The following TAOK3 variants were observed in gnomAD, a reference collection of about 807,000 sequenced individuals.
TAOK3 encodes serine/threonine-protein kinase TAO3.
TAOK3 carries 40 observed loss-of-function variants against 120.4 expected under a neutral mutation model. The ratio of observed to expected loss-of-function variants is 0.33; its 90% CI spans 0.26 to 0.43. TAOK3 has a LOEUF of 0.43. Ranked by LOEUF, TAOK3 falls within the 20% of genes least tolerant of loss-of-function variation. TAOK3 has a pLI of 1.00. For missense variants in TAOK3, 821 were observed against 1,112.1 expected (o/e 0.74, Z 3.72); for synonymous variants, 355 against 387.5 (o/e 0.92, Z 0.99).
intron 1 of TAOK3, among the ~76,000 whole-genome samples, chr12:118,270,568 A>G (rs986961255): frequency 6.6e-6 from 1 of 151,714 alleles, no homozygotes; most frequent in East Asian, 1.9e-4. Flanking sequence ...ACATTTGTAT[A>G]TATACTTTGT....
chr12:118,175,882 T>G, intron 16 of TAOK3, among the ~76,000 whole-genome samples: 1 of 152,190 alleles, frequency 6.6e-6, no homozygotes, highest in East Asian at 1.9e-4. Flanking sequence ...AGTCCACTAG[T>G]GGTCTTCAAC....
At chr12:118,177,977 C>T (rs1487211343) in intron 15 of TAOK3, among the ~76,000 whole-genome samples, 1 of 152,046 alleles carries the variant, frequency 6.6e-6, no homozygotes, top group Non-Finnish European at 1.5e-5. Flanking sequence ...GATGAGGTCT[C>T]GCTCTGTCGC....
At chr12:118,209,022 T>C (rs985857248) in intron 11 of TAOK3, among the ~76,000 whole-genome samples, 4 of 152,180 alleles carry the variant, frequency 2.6e-5, no homozygotes, top group African/African-American at 9.7e-5. Flanking sequence ...AATTTATTCT[T>C]TAGATATTCT....
intron 1 of TAOK3, among the ~76,000 whole-genome samples, chr12:118,343,370 T>TTACA (rs1376187040): frequency 1.4e-5 from 2 of 147,830 alleles, no homozygotes; most frequent in Admixed American, 7.0e-5. Context: ...GAGGTTACAG[T>TTACA]GAGCTCAGAT....
intron 14 of TAOK3, among the ~76,000 whole-genome samples, chr12:118,182,623 A>ATATATATATATATATT (rs371125415): frequency 3.2e-5 from 3 of 92,386 alleles, no homozygotes; most frequent in East Asian, 3.6e-4. Flanking sequence ...ATATATATAT[A>ATATATATATATATATT]TTTTTTTTTT....
At chr12:118,207,992 T>A (rs1476573501) in intron 11 of TAOK3, among the ~76,000 whole-genome samples, 2 of 152,014 alleles carry the variant, frequency 1.3e-5, no homozygotes, top group East Asian at 3.9e-4. Context: ...AAAAAAAAAA[T>A]TATTAAAGGC....
chr12:118,168,197 T>C (rs768172552), intron 17 of TAOK3, among the ~76,000 whole-genome samples: 20 of 152,214 alleles, frequency 1.3e-4, no homozygotes, highest in Non-Finnish European at 2.6e-4. Context: ...GGGCTGATGC[T>C]GGTCAAATGG....
At chr12:118,229,074 A>G (rs2039639825) in intron 9 of TAOK3, among the ~76,000 whole-genome samples, 1 of 148,862 alleles carries the variant, frequency 6.7e-6, no homozygotes, top group Non-Finnish European at 1.5e-5. Context: ...CCATTTCTCT[A>G]CTGGTTGTTT....
intron 1 of TAOK3, among the ~76,000 whole-genome samples, chr12:118,323,448 C>T (rs1009936217): frequency 6.6e-6 from 1 of 152,056 alleles, no homozygotes; most frequent in Non-Finnish European, 1.5e-5. Flanking sequence ...AAAAATAAAA[C>T]CATTAAGCCA....
chr12:118,239,321 A>G, intron 5 of TAOK3, 49 bp from the exon 6 acceptor site: 2 of 1,076,666 alleles, frequency 1.9e-6, no homozygotes, highest in Non-Finnish European at 2.8e-6. Flanking sequence ...TAATTTAAAA[A>G]CTGCTGAAAC....
chr12:118,179,643 GTTT>G (rs566111629), intron 15 of TAOK3, among the ~76,000 whole-genome samples: 1 of 123,634 alleles, frequency 8.1e-6, no homozygotes, highest in African/African-American at 3.0e-5. Flanking sequence ...TTACCCTTCT[GTTT>G]TTTTTTTTTT....
At chr12:118,326,165 T>TGATCTCGGCTCACTGCAACGTCTGCCTC (rs2043927049) in intron 1 of TAOK3, among the ~76,000 whole-genome samples, 1 of 152,224 alleles carries the variant, frequency 6.6e-6, no homozygotes, top group Non-Finnish European at 1.5e-5. Flanking sequence ...AAATCTTTAA[T>TGATCTCGGCTCACTGCAACGTCTGCCTC]CCATCTTGAT....
intron 13 of TAOK3, among the ~76,000 whole-genome samples, chr12:118,195,646 GTTA>G (rs904660971): frequency 6.6e-6 from 1 of 152,184 alleles, no homozygotes; most frequent in Non-Finnish European, 1.5e-5. Flanking sequence ...TGATGTTCTT[GTTA>G]TTGAAAAAAG....
At chr12:118,212,505 G>T (rs2038682859) in intron 11 of TAOK3, among the ~76,000 whole-genome samples, 2 of 152,166 alleles carry the variant, frequency 1.3e-5, no homozygotes, top group African/African-American at 4.8e-5. Context: ...CACTGCCTGA[G>T]GATTTGGCAA....
At chr12:118,245,855 C>T (rs1180262828) in intron 3 of TAOK3, among the ~76,000 whole-genome samples, 2 of 152,098 alleles carry the variant, frequency 1.3e-5, no homozygotes, top group African/African-American at 4.8e-5. Context: ...TGTAAACTGT[C>T]CATCAATGGA....
chr12:118,343,621 CATT>C (rs777780292), intron 1 of TAOK3, among the ~76,000 whole-genome samples: 3 of 152,024 alleles, frequency 2.0e-5, no homozygotes, highest in African/African-American at 4.8e-5. Flanking sequence ...CAAATTAAAT[CATT>C]AATACATTTA....
At chr12:118,344,851 C>T (rs1489434410) in intron 1 of TAOK3, among the ~76,000 whole-genome samples, 2 of 151,602 alleles carry the variant, frequency 1.3e-5, no homozygotes, top group Non-Finnish European at 2.9e-5. Context: ...AGTATGGTGC[C>T]CCCTGTTATA....
In TAOK3 at chr12:118,216,399, C is replaced by T. The variant is rs545692162; in HGVS notation, c.644-2289G>A. On this transcript the variant is annotated intron_variant, in intron 9 of 20. Transcript: ENST00000392533. ...TACTGGTCATTTGGCATGTGCTCAC[C>T]TATCATATCTACATCATCATACAAA... is the stretch of plus-strand genomic sequence containing the variant. Among the ~76,000 whole-genome samples the T allele has an allele frequency of 9.8e-5, 15 of 152,298 alleles. No homozygotes were observed. The South Asian group carries it at 3.1e-3, about 32-fold the overall frequency.
intron 9 of TAOK3, among the ~76,000 whole-genome samples, chr12:118,217,811 G>GTGTGTGTGTATATATA (rs1353848789): frequency 1.3e-5 from 1 of 75,400 alleles, no homozygotes; most frequent in Non-Finnish European, 2.6e-5. Flanking sequence ...GTGTGTGTGT[G>GTGTGTGTGTATATATA]TATACATATA....
Sources: allele counts gnomAD v4.1 joint callset (sites outside exome capture counted in the v4.1 genomes callset), GRCh38; gene constraint gnomAD v4.1.1; transcripts MANE v1.5; gene names NCBI Gene and HGNC (gene_info 2026-07-23, HGNC 2026-07-21).